Variants in CCDC57 observed in about 807,000 individuals in gnomAD.
CCDC57 encodes coiled-coil domain containing 57.
CCDC57 carries 118 observed loss-of-function variants against 118.9 expected under a neutral mutation model. The observed-to-expected ratio is 0.99, with a 90% CI of 0.86 to 1.16. CCDC57 has a LOEUF of 1.16. CCDC57 is among the 50% of genes most tolerant of loss of function. The pLI, the probability that CCDC57 is intolerant of heterozygous loss-of-function variation, is 0.00. For missense variants in CCDC57, 1,300 were observed against 1,320.7 expected (o/e 0.98, Z 0.24); for synonymous variants, 527 against 532.9 (o/e 0.99, Z 0.15).
At chr17:82,115,467 C>T (rs2035763235) in intron 19 of CCDC57, among the ~76,000 whole-genome samples, 1 of 152,098 alleles carries the variant, frequency 6.6e-6, no homozygotes, top group African/African-American at 2.4e-5. Flanking sequence ...CAGAATTATG[C>T]GACCTTAGGA....
At chr17:82,189,779 G>A (rs934758601) in intron 7 of CCDC57, among the ~76,000 whole-genome samples, 2 of 152,116 alleles carry the variant, frequency 1.3e-5, no homozygotes, top group Non-Finnish European at 2.9e-5. Flanking sequence ...CTCGAACCCG[G>A]GAGGCAGAGG....
chr17:82,194,469 C>G (rs1394107631), intron 5 of CCDC57, among the ~76,000 whole-genome samples: 1 of 152,056 alleles, frequency 6.6e-6, no homozygotes, highest in Non-Finnish European at 1.5e-5. Context: ...CACCACCACA[C>G]CCAGCTAATT....
intron 7 of CCDC57, among the ~76,000 whole-genome samples, chr17:82,189,709 C>T (rs2047412745): frequency 6.6e-6 from 1 of 152,062 alleles, no homozygotes; most frequent in Non-Finnish European, 1.5e-5. Context: ...AAAAATTAGC[C>T]GGGCATGGTA....
In CCDC57 at chr17:82,172,735, A is replaced by T. The variant is rs2146276447; in HGVS notation, c.1632T>A (p.Ala544=). 1 of 1,602,596 alleles carries T rather than the reference A, an allele frequency of 6.2e-7. No individual in the cohort carries two copies. The highest frequency in any genetic ancestry group is 2.2e-5 in the East Asian group (1 of 44,588). ...TGGGAGGAGGAATCTGATGGCTTAG[A>T]GCCTCCATTTCTTTCCTCATCTGGG... The change falls in exon 12 of 20, where the codon GCT becomes GCA. Residue 544 remains alanine (A), a synonymous_variant. Coordinates refer to ENST00000665763, the Ensembl canonical transcript of CCDC57. This position sits in a 1 kb window ranked among gnomAD's most constrained non-coding sequence, Gnocchi z 5.2.
At chr17:82,149,046 CGGATGGTTGGGTGGGTGGATGG>C (rs2041444132) in intron 16 of CCDC57, among the ~76,000 whole-genome samples, 1 of 6,852 alleles carries the variant, frequency 1.5e-4, no homozygotes, top group Non-Finnish European at 2.5e-4. Flanking sequence ...GGTGGGTGGA[CGGATGGTTGGGTGGGTGGATGG>C]ATGGATGGGT....
At chr17:82,137,277 T>C (rs1419190636) in intron 16 of CCDC57, among the ~76,000 whole-genome samples, 1 of 152,186 alleles carries the variant, frequency 6.6e-6, no homozygotes, top group Non-Finnish European at 1.5e-5. Flanking sequence ...CACCTCGGCC[T>C]CCCGAAGTGC....
chr17:82,146,225 G>A (rs1330703541), intron 16 of CCDC57, among the ~76,000 whole-genome samples: 3 of 152,146 alleles, frequency 2.0e-5, no homozygotes, highest in Admixed American at 6.5e-5. Context: ...GAATAATGAT[G>A]ATATGTTTGT....
Position 82,118,920 on chromosome 17 carries a change from G to A in CCDC57, c.2899+8772C>T, listed in dbSNP as rs2036273844. ...GCGTATTTTCGTGGTTTGCCTTGGA[G>A]TCCCTCCCTCGCCCTGGAATGCCTG... On this transcript the variant is annotated intron_variant, in intron 19 of 19. Coordinates refer to ENST00000665763, the Ensembl canonical transcript of CCDC57. This position sits in a 1 kb window ranked among gnomAD's most constrained non-coding sequence, Gnocchi z 4.7. Among the ~76,000 whole-genome samples the A allele has an allele frequency of 6.6e-6, 1 of 151,564 alleles. No individual in the cohort carries two copies. The highest frequency in any genetic ancestry group is 2.4e-5 in the African/African-American group (1 of 41,192).
chr17:82,176,233 G>C (rs11650878), intron 11 of CCDC57, among the ~76,000 whole-genome samples: 168 of 117,262 alleles, frequency 1.4e-3, no homozygotes, highest in South Asian at 2.6e-3. Context: ...TAAAACCCCT[G>C]GTGGCTTGGA....
chr17:82,189,225 G>A (rs1375318434), intron 7 of CCDC57, among the ~76,000 whole-genome samples: 1 of 152,044 alleles, frequency 6.6e-6, no homozygotes, highest in Non-Finnish European at 1.5e-5. Flanking sequence ...CCGTGATGGT[G>A]CCACTGCACT....
intron 13 of CCDC57, among the ~76,000 whole-genome samples, chr17:82,170,247 C>T (rs939255380): frequency 1.3e-5 from 2 of 152,130 alleles, no homozygotes; most frequent in South Asian, 4.1e-4. Flanking sequence ...CGGTGTCTCA[C>T]GCCTGTCATC....
At chr17:82,157,766 G>C in exon 15 of CCDC57, 2 of 1,600,472 alleles carry the variant, frequency 1.2e-6, no homozygotes, top group Non-Finnish European at 1.7e-6. Context: ...CAAGGGCCAC[G>C]GCGTCCGAGG....
At chr17:82,129,061 G>A (rs1011090710) in intron 17 of CCDC57, among the ~76,000 whole-genome samples, 2 of 152,156 alleles carry the variant, frequency 1.3e-5, no homozygotes, top group East Asian at 1.9e-4. Flanking sequence ...TGGGATGACA[G>A]GCACCCACCA....
chr17:82,189,444 A>G (rs2047382575), intron 7 of CCDC57, among the ~76,000 whole-genome samples: 1 of 152,204 alleles, frequency 6.6e-6, no homozygotes, highest in African/African-American at 2.4e-5. Context: ...TGGGACTGAG[A>G]GAGTGAACAG....
At chr17:82,142,321 T>A (rs1022612133) in intron 16 of CCDC57, among the ~76,000 whole-genome samples, 3 of 152,088 alleles carry the variant, frequency 2.0e-5, no homozygotes, top group African/African-American at 7.2e-5. Context: ...GTTTGTTTTT[T>A]TTTTTTCTTG....
In CCDC57 at chr17:82,142,608, G is replaced by A. The variant is rs114902915; in HGVS notation, c.2456-8414C>T. ...ATTATAGGCGTGAGCCGCTATGCCC[G>A]GCCTAGCACTGAAATTTATAAAACA... is the stretch of plus-strand genomic sequence containing the variant. On this transcript the variant is annotated intron_variant, in intron 16 of 19. Coordinates refer to ENST00000665763, the Ensembl canonical transcript of CCDC57. Among the ~76,000 whole-genome samples the A allele has an allele frequency of 5.9e-3, 896 of 152,152 alleles. 8 individuals carry two copies. Among genetic ancestry groups the A allele is most frequent in the African/African-American group, 0.021 (856 of 41,510 alleles).
At chr17:82,105,946 C>A (rs999256889) in intron 19 of CCDC57, among the ~76,000 whole-genome samples, 1 of 152,244 alleles carries the variant, frequency 6.6e-6, no homozygotes, top group Non-Finnish European at 1.5e-5. Flanking sequence ...ATCCTTCAGG[C>A]CCCGCCTGCT....
chr17:82,127,431 C>G, intron 19 of CCDC57: 1 of 922,246 alleles, frequency 1.1e-6, no homozygotes, highest in Non-Finnish European at 1.2e-6. Context: ...GTGCTGCATT[C>G]TAAGTCAGTG....
chr17:82,127,993 C>T, intron 18 of CCDC57, 85 bp from the exon 18 acceptor site: 2 of 1,533,384 alleles, frequency 1.3e-6, no homozygotes, highest in Admixed American at 4.8e-5. Flanking sequence ...CCCCTCGGAG[C>T]AGTAAGGCGA....
Sources: allele counts gnomAD v4.1 joint callset (sites outside exome capture counted in the v4.1 genomes callset), GRCh38; gene constraint gnomAD v4.1.1; non-coding constraint Gnocchi (gnomAD v3.1); transcripts MANE v1.5; gene names NCBI Gene and HGNC (gene_info 2026-07-23, HGNC 2026-07-21).